Variants in GPC5 observed in about 807,000 individuals in gnomAD.
The protein encoded by GPC5 is glypican 5, also known as glypican-5.
GPC5 carries 47 observed loss-of-function variants against 53.9 expected under a neutral mutation model. That is an observed-to-expected ratio of 0.87 (90% CI 0.69 to 1.11). The LOEUF (loss-of-function observed/expected upper bound fraction) is 1.11. Among genes scored for constraint, GPC5 ranks in the 50% most tolerant of loss-of-function variants. The pLI is 0.00. For synonymous variants in GPC5, 286 were observed against 263.3 expected, an observed-to-expected ratio of 1.09 and a Z score of -0.84; for missense variants, 748 against 713.1, an observed-to-expected ratio of 1.05 and a Z score of -0.56.
At chr13:91,837,676 A>T (rs2038737177) in intron 5 of GPC5, among the ~76,000 whole-genome samples, 1 of 152,184 alleles carries the variant, frequency 6.6e-6, no homozygotes. Flanking sequence ...ACATGTCTAA[A>T]TCTATTACAT....
At chr13:92,349,725 G>A (rs894666377) in intron 7 of GPC5, among the ~76,000 whole-genome samples, 4 of 152,044 alleles carry the variant, frequency 2.6e-5, no homozygotes, top group Non-Finnish European at 5.9e-5. Flanking sequence ...CCAATAAGAA[G>A]TAAGGAGATT....
chr13:92,264,876 CTCTGTGTGTGTGTGTGTGTGTGTG>C (rs1226018822), intron 7 of GPC5, among the ~76,000 whole-genome samples: 1 of 119,272 alleles, frequency 8.4e-6, no homozygotes, highest in East Asian at 2.3e-4. Context: ...CTCTCTCTCT[CTCTGTGTGTGTGTGTGTGTGTGTG>C]TGTGTGTGTG....
chr13:92,744,001 G>A (rs1889177653), intron 7 of GPC5, among the ~76,000 whole-genome samples: 1 of 152,080 alleles, frequency 6.6e-6, no homozygotes, highest in South Asian at 2.1e-4. Context: ...CCTCAGTGCA[G>A]TGAGTAAAAT....
intron 7 of GPC5, among the ~76,000 whole-genome samples, chr13:92,286,916 T>C (rs182371811): frequency 2.4e-4 from 37 of 152,084 alleles, no homozygotes; most frequent in African/African-American, 8.2e-4. Flanking sequence ...GAAAAAAATA[T>C]GGCATGAAAA....
At chr13:91,763,294 C>A (rs2037453395) in intron 5 of GPC5, among the ~76,000 whole-genome samples, 2 of 152,062 alleles carry the variant, frequency 1.3e-5, no homozygotes, top group Admixed American at 1.3e-4. Context: ...AACTTTAAGA[C>A]CATGTACATC....
At chr13:91,973,663 G>T (rs1025182339) in intron 6 of GPC5, among the ~76,000 whole-genome samples, 2 of 152,180 alleles carry the variant, frequency 1.3e-5, no homozygotes, top group Non-Finnish European at 2.9e-5. Context: ...TGTCCTTTCT[G>T]TTTGTTAGTT....
rs56703718 is a variant in GPC5, at chr13:92,054,032, CAAATAAATAAAT to C, written c.1402-90767_1402-90756del. On this transcript the variant is annotated intron_variant, in intron 6 of 7. Coordinates refer to ENST00000377067, the MANE Select transcript of GPC5 (RefSeq NM_004466.6). ...GGGCAAGAAGAGTGAAATTCCATTT[CAAATAAATAAAT>C]AAATAAATAAATAAATAAATAAATA... Among the ~76,000 whole-genome samples the C allele has an allele frequency of 9.7e-3, 1,377 of 142,560 alleles. 28 individuals carry two copies. The highest frequency in any genetic ancestry group is 0.031 in the African/African-American group (1,218 of 38,708). The allele number at this position is 142,560 out of a possible 152,430, so 93.5% of individuals were successfully genotyped here.
chr13:92,582,986 C>T (rs1204000717), intron 7 of GPC5, among the ~76,000 whole-genome samples: 8 of 152,090 alleles, frequency 5.3e-5, no homozygotes, highest in Admixed American at 4.6e-4. Context: ...TTATTTCTTT[C>T]TCTTACCTAA....
intron 7 of GPC5, among the ~76,000 whole-genome samples, chr13:92,702,444 C>CAAACT (rs1285289282): frequency 6.6e-6 from 1 of 152,116 alleles, no homozygotes; most frequent in Non-Finnish European, 1.5e-5. Flanking sequence ...ACCTTCCTTT[C>CAAACT]AAACTAAGTA....
chr13:92,551,681 G>A (rs1199717282), intron 7 of GPC5, among the ~76,000 whole-genome samples: 1 of 151,876 alleles, frequency 6.6e-6, no homozygotes, highest in African/African-American at 2.4e-5. Flanking sequence ...ATGAAGTCTA[G>A]ATGTTAAGCT....
intron 6 of GPC5, among the ~76,000 whole-genome samples, chr13:91,945,647 G>C (rs1244105597): frequency 6.6e-6 from 1 of 152,180 alleles, no homozygotes; most frequent in Non-Finnish European, 1.5e-5. Context: ...AGGGGTTGTA[G>C]AATGTGCCCT....
chr13:92,120,433 A>AT (rs1013483936), intron 6 of GPC5, among the ~76,000 whole-genome samples: 1 of 151,864 alleles, frequency 6.6e-6, no homozygotes, highest in African/African-American at 2.4e-5. Flanking sequence ...ATTTTTTAAA[A>AT]TTTTTTTGTA....
intron 7 of GPC5, among the ~76,000 whole-genome samples, chr13:92,724,114 G>T (rs1011225310): frequency 1.3e-5 from 2 of 151,470 alleles, no homozygotes; most frequent in Non-Finnish European, 3.0e-5. Flanking sequence ...AAAAACATAA[G>T]TTAAATTATC....
At chr13:92,136,327 A>G (rs2138969633) in intron 6 of GPC5, among the ~76,000 whole-genome samples, 1 of 152,314 alleles carries the variant, frequency 6.6e-6, no homozygotes, top group African/African-American at 2.4e-5. Context: ...ACAAAATTAA[A>G]TTCACATATA....
rs145245789 is a variant in GPC5, at chr13:91,748,910, G to A, written c.1155-7385G>A. On this transcript the variant is annotated intron_variant, in intron 4 of 7. Transcript: ENST00000377067. ...AATATTGAGTTGTTTTATGCAATGC[G>A]TGTATAGGTGTGTGGGCTTTGGCTG... Among the ~76,000 whole-genome samples the A allele has an allele frequency of 2.7e-3, 410 of 152,266 alleles. 5 individuals carry two copies. Among genetic ancestry groups the A allele is most frequent in the African/African-American group, 9.5e-3 (396 of 41,554 alleles).
chr13:92,035,242 TGA>T (rs1428009009), intron 6 of GPC5, among the ~76,000 whole-genome samples: 2 of 148,072 alleles, frequency 1.4e-5, no homozygotes, highest in Non-Finnish European at 3.0e-5. Flanking sequence ...AGTTTAGAGA[TGA>T]GGCAAAACTG....
intron 6 of GPC5, among the ~76,000 whole-genome samples, chr13:91,974,821 A>G (rs1237111268): frequency 6.6e-6 from 1 of 152,182 alleles, no homozygotes; most frequent in African/African-American, 2.4e-5. Flanking sequence ...AGACAATCCT[A>G]AGCCAAAAGA....
intron 7 of GPC5, among the ~76,000 whole-genome samples, chr13:92,799,104 G>GA (rs996318522): frequency 1.3e-5 from 2 of 151,444 alleles, no homozygotes; most frequent in African/African-American, 4.8e-5. Flanking sequence ...TGAAACAAAA[G>GA]TCACTCTTAG....
intron 5 of GPC5, among the ~76,000 whole-genome samples, chr13:91,812,877 A>G (rs904092320): frequency 6.6e-6 from 1 of 152,188 alleles, no homozygotes; most frequent in African/African-American, 2.4e-5. Flanking sequence ...CCTCTGACCC[A>G]GTTTGCAAGA....
Sources: allele counts gnomAD v4.1 joint callset (sites outside exome capture counted in the v4.1 genomes callset), GRCh38; gene constraint gnomAD v4.1.1; transcripts MANE v1.5; gene names NCBI Gene and HGNC (gene_info 2026-07-23, HGNC 2026-07-21).